PRDM11: variants seen among roughly 807,000 people sequenced by gnomAD.
PRDM11 encodes PR domain-containing protein 11.
PRDM11 carries 20 observed loss-of-function variants against 97.8 expected under a neutral mutation model. The observed-to-expected ratio is 0.20, with a 90% CI of 0.14 to 0.30. The LOEUF (loss-of-function observed/expected upper bound fraction) is 0.30. PRDM11 is among the 10% of genes least tolerant of loss of function. The pLI is 1.00. For missense variants in PRDM11, 1,139 were observed against 1,555.2 expected (o/e 0.73, Z 4.50); for synonymous variants, 599 against 637.7 (o/e 0.94, Z 0.91).
chr11:45,209,684 A>C (rs959611089), intron 5 of PRDM11, among the ~76,000 whole-genome samples: 6 of 152,222 alleles, frequency 3.9e-5, no homozygotes, highest in African/African-American at 1.2e-4. Context: ...CTTCATGAGC[A>C]TGCAACCTGA....
chr11:45,103,233 C>T (rs1302237386), intron 1 of PRDM11, among the ~76,000 whole-genome samples: 2 of 152,222 alleles, frequency 1.3e-5, no homozygotes, highest in Non-Finnish European at 2.9e-5. Context: ...CCCGCCGGGC[C>T]TGCCTCCTCC....
intron 4 of PRDM11, among the ~76,000 whole-genome samples, chr11:45,186,170 G>A (rs1197149366): frequency 1.3e-5 from 2 of 152,214 alleles, no homozygotes; most frequent in Non-Finnish European, 2.9e-5. Flanking sequence ...GGTTTTGGCA[G>A]TTTATTGGCA....
In PRDM11 at chr11:45,205,397, C is replaced by T. The variant is rs370449470; in HGVS notation, c.554+619C>T. 9.9e-5 allele frequency among the ~76,000 whole-genome samples: 15 copies of T among 152,204 alleles called. No individual in the cohort carries two copies. The South Asian group carries it at 3.1e-3, about 32-fold the overall frequency. ...CTGAGCTGAGCCCAGAACCATGGGT[C>T]CAGCGTGATGCTGATGGTCTGTGCC... On this transcript the variant is annotated intron_variant, in intron 5 of 7. Transcript: ENST00000683152.
rs111466664 is a variant in PRDM11, at chr11:45,096,994, C to T, written c.96+1093C>T. Among the ~76,000 whole-genome samples, 894 of 152,248 alleles carry T rather than the reference C, an allele frequency of 5.9e-3. 10 individuals are homozygous for T. Among genetic ancestry groups the T allele is most frequent in the African/African-American group, 0.02 (834 of 41,554 alleles). Reference sequence around the variant, plus strand: ...AGCCTCCTTTTTCTCATCTGGCAAACGGGGATAATGAGGCTACCAACCTGG... The same window carrying T: ...AGCCTCCTTTTTCTCATCTGGCAAATGGGGATAATGAGGCTACCAACCTGG... On this transcript the variant is annotated intron_variant, in intron 1 of 6. Transcript: ENST00000530656.
In PRDM11 at chr11:45,182,868, G is replaced by A; in HGVS notation, c.231G>A (p.Glu77=). The change falls in exon 4 of 8, where the codon GAG becomes GAA. Residue 77 remains glutamate, a synonymous_variant. Coordinates refer to ENST00000683152, the MANE Select transcript of PRDM11 (RefSeq NM_001384648.1). ...CTCTTTCCATCCCTCCAGTCTGTGAGTCCTGCCAGGAGTACTTCGTGGATG... is the reference window on the plus strand; with the variant it reads ...CTCTTTCCATCCCTCCAGTCTGTGAATCCTGCCAGGAGTACTTCGTGGATG... ...SFQQVDFWFC[E]SCQEYFVDEC... The A allele has an allele frequency of 6.3e-7, 1 of 1,588,098 alleles. No individual in the cohort carries two copies.
At chr11:45,098,251 A>C (rs928694385) in intron 1 of PRDM11, among the ~76,000 whole-genome samples, 1 of 152,212 alleles carries the variant, frequency 6.6e-6, no homozygotes, top group African/African-American at 2.4e-5. Context: ...GAAAACTCAC[A>C]CAGTGCTGGG....
rs997683076 is a variant in PRDM11 at position 45,225,996 on chromosome 11, C to G, written c.1371C>G (p.Ala457=). 33 of 1,482,744 alleles carry G rather than the reference C, an allele frequency of 2.2e-5. No individual in the cohort carries two copies. In the Admixed American group the frequency reaches 4.4e-4, roughly 20 times the overall value. 91.8% of individuals were successfully genotyped at this position (1,482,744 alleles called of 1,614,324 possible). The change falls in exon 8 of 8, where the codon GCC becomes GCG. Residue 457 remains alanine (A), a splice_region_variant and synonymous_variant. Transcript: ENST00000683152. ...LELPEFSDPA[A]SESMVSGPAI... ...GTTTCTTTCCCATTTGTTTTTCAGC[C>G]TCAGAAAGCATGGTCTCCGGCCCCG...
At chr11:45,224,120 T>C in intron 6 of PRDM11, 97 bp from the exon 7 acceptor site, 5 of 1,391,440 alleles carry the variant, frequency 3.6e-6, no homozygotes, top group Non-Finnish European at 1.9e-6. Flanking sequence ...TAGAGGGATG[T>C]GTCAGGTGAC....
At chr11:45,224,040 G>A (rs1854192275) in intron 6 of PRDM11, among the ~76,000 whole-genome samples, 177 bp from the exon 7 acceptor site, 1 of 152,330 alleles carries the variant, frequency 6.6e-6, no homozygotes, top group South Asian at 2.1e-4. Flanking sequence ...GGTCCTATGA[G>A]TCTAGCTCTG....
intron 3 of PRDM11, 53 bp downstream of exon 3, chr11:45,182,402 A>G: frequency 3.3e-6 from 5 of 1,505,038 alleles, no homozygotes; most frequent in Admixed American, 1.8e-5. Flanking sequence ...CCATCGCCCC[A>G]TTCCTGGCTA....
At chr11:45,146,967 C>A in intron 1 of PRDM11, 90 bp downstream of exon 1, 1 of 144,674 alleles carries the variant, frequency 6.9e-6, no homozygotes, top group South Asian at 2.1e-4. Flanking sequence ...GCCGCCGGTG[C>A]GGGGGCCGGG....
chr11:45,159,251 G>A (rs1020777354), intron 1 of PRDM11, among the ~76,000 whole-genome samples: 5 of 152,316 alleles, frequency 3.3e-5, no homozygotes, highest in South Asian at 2.1e-4. Flanking sequence ...AGAACCCTCC[G>A]CCTGCTGCCT....
At chr11:45,195,633 GCTCGATCTT>G (rs746504139) in intron 4 of PRDM11, among the ~76,000 whole-genome samples, 3 of 151,556 alleles carry the variant, frequency 2.0e-5, no homozygotes, top group Non-Finnish European at 4.4e-5. Flanking sequence ...GAATGCAGTA[GCTCGATCTT>G]GGCTCACTGC....
intron 1 of PRDM11, among the ~76,000 whole-genome samples, chr11:45,140,336 T>C (rs1177764725): frequency 6.6e-6 from 1 of 152,214 alleles, no homozygotes; most frequent in African/African-American, 2.4e-5. Flanking sequence ...GATCTGACTG[T>C]AGTCCCCCAG....
Position 45,104,966 on chromosome 11 carries a change from C to T in PRDM11, c.96+9065C>T, listed in dbSNP as rs118187762. Among the ~76,000 whole-genome samples the T allele has an allele frequency of 2.2e-4, 34 of 152,296 alleles. No individual in the cohort carries two copies. In the East Asian group the frequency reaches 6.6e-3, roughly 29 times the overall value. ...CCATTCCCATCACGGGGCCAGTGGCCCCATGTCTTAGTCTGCTTGGGCAGC... is the reference window on the plus strand; with the variant it reads ...CCATTCCCATCACGGGGCCAGTGGCTCCATGTCTTAGTCTGCTTGGGCAGC... On this transcript the variant is annotated intron_variant, in intron 1 of 6. Coordinates refer to the PRDM11 transcript ENST00000530656.
rs191723895 is a variant in PRDM11, at chr11:45,193,966, G to T, written c.487-10745G>T. Among the ~76,000 whole-genome samples, 138 of 152,302 alleles carry T rather than the reference G, an allele frequency of 9.1e-4. 2 individuals carry two copies. Among genetic ancestry groups the T allele is most frequent in the Admixed American group, 9.0e-3 (137 of 15,296 alleles). ...CCAGCTGAAGGAGCAAGGGCTCCCT[G>T]GGGGAGCTTTTCTACATTTTGAGGC... On this transcript the variant is annotated intron_variant, in intron 4 of 7. Coordinates refer to ENST00000683152, the MANE Select transcript of PRDM11 (RefSeq NM_001384648.1).
rs1471140050 is a variant in PRDM11, at chr11:45,233,536, A to T, written c.*5377A>T. The T allele has an allele frequency of 6.6e-6, 1 of 152,350 alleles. No individual in the cohort carries two copies. The highest frequency in any genetic ancestry group is 1.5e-5 in the Non-Finnish European group (1 of 68,066). The allele number at this position is 152,350 out of a possible 1,614,324, so 9.4% of individuals were successfully genotyped here. On this transcript the variant is annotated 3_prime_UTR_variant, in exon 8 of 8. Coordinates refer to ENST00000683152, the MANE Select transcript of PRDM11 (RefSeq NM_001384648.1). Reference sequence around the variant, plus strand: ...TCAAAACCCTCCCGCACCAGGACTGAGCAGCGTCAGTGGCAATAGGAAAGG... The same window carrying T: ...TCAAAACCCTCCCGCACCAGGACTGTGCAGCGTCAGTGGCAATAGGAAAGG...
intron 1 of PRDM11, among the ~76,000 whole-genome samples, chr11:45,163,461 C>G (rs1275145648): frequency 6.7e-6 from 1 of 149,306 alleles, no homozygotes; most frequent in Non-Finnish European, 1.5e-5. Context: ...CCTGTGTGTC[C>G]CAAAGGTGGG....
At chr11:45,217,735 T>A (rs1443236127) in intron 5 of PRDM11, among the ~76,000 whole-genome samples, 1 of 152,210 alleles carries the variant, frequency 6.6e-6, no homozygotes, top group African/African-American at 2.4e-5. Flanking sequence ...GCTGGTGCCA[T>A]CCCTGGGACC....
Sources: allele counts gnomAD v4.1 joint callset (sites outside exome capture counted in the v4.1 genomes callset), GRCh38; gene constraint gnomAD v4.1.1; transcripts MANE v1.5; gene names NCBI Gene and HGNC (gene_info 2026-07-23, HGNC 2026-07-21).